Variants in PARD3 observed in about 807,000 individuals in gnomAD.
The protein encoded by PARD3 is partitioning defective 3 homolog.
PARD3 carries 75 observed loss-of-function variants against 155.4 expected under a neutral mutation model. The observed-to-expected ratio is 0.48, with a 90% CI of 0.40 to 0.58. PARD3 has a LOEUF of 0.58. PARD3 is among the 20% of genes least tolerant of loss of function. The pLI, the probability that PARD3 is intolerant of heterozygous loss-of-function variation, is 0.00. For missense variants in PARD3, 1,642 were observed against 1,721.7 expected (o/e 0.95, Z 0.82); for synonymous variants, 576 against 610.5 (o/e 0.94, Z 0.83).
intron 5 of PARD3, among the ~76,000 whole-genome samples, chr10:34,449,736 G>A (rs1268364424): frequency 6.6e-6 from 1 of 152,144 alleles, no homozygotes; most frequent in Non-Finnish European, 1.5e-5. Flanking sequence ...ATTTCTGAGT[G>A]GTAAACAATT....
intron 22 of PARD3, among the ~76,000 whole-genome samples, chr10:34,247,432 G>A (rs1954026821): frequency 1.3e-5 from 2 of 152,136 alleles, no homozygotes; most frequent in South Asian, 2.1e-4. Context: ...AACCTGGGAG[G>A]CGGAGGTTGC....
intron 22 of PARD3, among the ~76,000 whole-genome samples, chr10:34,176,279 G>C (rs614302): frequency 0.23 from 35,570 of 151,956 alleles, 4,297 homozygotes; most frequent in Middle Eastern, 0.35. Context: ...TAAAATGGCA[G>C]TCACTGACTT....
chr10:34,477,750 A>T (rs1479551085), intron 3 of PARD3, among the ~76,000 whole-genome samples: 1 of 152,254 alleles, frequency 6.6e-6, no homozygotes. Flanking sequence ...TCTGCCAAGA[A>T]GACAGGCATA....
chr10:34,755,986 T>C (rs1280513678), intron 1 of PARD3, among the ~76,000 whole-genome samples: 1 of 151,878 alleles, frequency 6.6e-6, no homozygotes, highest in Non-Finnish European at 1.5e-5. Flanking sequence ...ATGCCCATGG[T>C]CCTTTACTCT....
intron 2 of PARD3, among the ~76,000 whole-genome samples, chr10:34,683,573 C>T (rs369312580): frequency 3.3e-5 from 5 of 150,588 alleles, no homozygotes; most frequent in African/African-American, 9.8e-5. Context: ...CAGAAAAGCA[C>T]AGCGCGGCAC....
At chr10:34,192,208 C>G (rs1423218493) in intron 22 of PARD3, among the ~76,000 whole-genome samples, 2 of 151,752 alleles carry the variant, frequency 1.3e-5, no homozygotes, top group African/African-American at 2.4e-5. Context: ...GTTGGGACTA[C>G]AGGCATATGT....
At chr10:34,345,008 A>G in intron 15 of PARD3, 1 of 985,286 alleles carries the variant, frequency 1.0e-6, no homozygotes, top group Non-Finnish European at 1.2e-6. Context: ...TTTAGTCACC[A>G]TGGGTGCCAG....
At chr10:34,215,401 T>C (rs1450750643) in intron 22 of PARD3, among the ~76,000 whole-genome samples, 2 of 152,206 alleles carry the variant, frequency 1.3e-5, no homozygotes, top group Admixed American at 1.3e-4. Flanking sequence ...GAAAAATACA[T>C]AAAATGTCAT....
At chr10:34,280,978 C>T (rs184929385) in intron 21 of PARD3, among the ~76,000 whole-genome samples, 1 of 152,264 alleles carries the variant, frequency 6.6e-6, no homozygotes, top group East Asian at 1.9e-4. Context: ...TGCTGCTGAA[C>T]ACTGGGCAAT....
intron 4 of PARD3, among the ~76,000 whole-genome samples, chr10:34,463,031 G>C (rs1589666245): frequency 1.1e-5 from 1 of 89,342 alleles, no homozygotes; most frequent in African/African-American, 4.6e-5. Context: ...AAGGGAACGA[G>C]GAGGGGAAGG....
At chr10:34,775,034 CAAAT>C (rs1839365538) in intron 1 of PARD3, among the ~76,000 whole-genome samples, 1 of 152,090 alleles carries the variant, frequency 6.6e-6, no homozygotes, top group Non-Finnish European at 1.5e-5. Context: ...AAGTGCCAAA[CAAAT>C]AAAGGAAACA....
At chr10:34,196,056 C>G (rs1385955186) in intron 22 of PARD3, among the ~76,000 whole-genome samples, 1 of 152,188 alleles carries the variant, frequency 6.6e-6, no homozygotes, top group Non-Finnish European at 1.5e-5. Flanking sequence ...ACTTACTTCA[C>G]CCTTTCTTAG....
chr10:34,287,356 T>C (rs1956450660), intron 20 of PARD3, among the ~76,000 whole-genome samples: 1 of 152,220 alleles, frequency 6.6e-6, no homozygotes, highest in South Asian at 2.1e-4. Flanking sequence ...GTTGACTTAC[T>C]GATTTTTAAG....
intron 2 of PARD3, among the ~76,000 whole-genome samples, chr10:34,634,724 C>A (rs2092404511): frequency 6.6e-6 from 1 of 152,144 alleles, no homozygotes; most frequent in African/African-American, 2.4e-5. Context: ...TTGCTGAGAC[C>A]CTAAACTTGG....
chr10:34,814,844 C>T, intron 1 of PARD3, 32 bp downstream of exon 1: 1 of 1,297,912 alleles, frequency 7.7e-7, no homozygotes. Flanking sequence ...CCCGCCGCCG[C>T]CCCCTCCCCG....
At position 34,348,088 on chromosome 10, in the gene PARD3, G is replaced by A. The variant is rs1188821900; in HGVS notation, c.2095C>T (p.Pro699Ser). The A allele has an allele frequency of 3.1e-6, 5 of 1,610,650 alleles. No individual in the cohort carries two copies. Among genetic ancestry groups the A allele is most frequent in the Non-Finnish European group, 4.2e-6 (5 of 1,178,576 alleles). The change falls in exon 15 of 25, where the codon CCT becomes TCT. Residue 699 changes from proline to serine, a missense_variant. By Grantham distance (74) the Pro-to-Ser change is moderately conservative. Around this residue, in one of 3 missense-constraint regions of PARD3, gnomAD observed 1,529 missense variants for 1,587.3 expected, o/e 0.96. Transcript: ENST00000374788. ...AACGCTGTTTCAATGGGCAGCTCAGGTCCAGGGGGGCTCCCAGGTGACTTC... is the reference window on the plus strand; with the variant it reads ...AACGCTGTTTCAATGGGCAGCTCAGATCCAGGGGGGCTCCCAGGTGACTTC... ...ELKSPGSPPG[P>S]ELPIETALDD...
intron 1 of PARD3, among the ~76,000 whole-genome samples, chr10:34,791,732 C>T (rs775030269): frequency 3.3e-5 from 5 of 151,896 alleles, no homozygotes; most frequent in South Asian, 2.1e-4. Flanking sequence ...CCTAGCACTT[C>T]GAGTGGCAGA....
At chr10:34,432,614 T>C (rs2076004438) in intron 5 of PARD3, among the ~76,000 whole-genome samples, 1 of 152,140 alleles carries the variant, frequency 6.6e-6, no homozygotes, top group Admixed American at 6.5e-5. Flanking sequence ...ATGGCCCAGA[T>C]CCATGGACAA....
At position 34,674,692 on chromosome 10, in the gene PARD3, G is replaced by A. The variant is rs370315786; in HGVS notation, c.222+21626C>T. Among the ~76,000 whole-genome samples, 122 of 152,008 alleles carry A rather than the reference G, an allele frequency of 8.0e-4. 1 individual carries two copies. Among genetic ancestry groups the A allele is most frequent in the African/African-American group, 2.9e-3 (121 of 41,488 alleles). On this transcript the variant is annotated intron_variant, in intron 2 of 24. Coordinates refer to ENST00000374788, the MANE Select transcript of PARD3 (RefSeq NM_001184785.2). ...AGTAGAGACAGGGTTTCACCACGTT[G>A]GCCAGGCTGGTCTCGAACTCCTGAC...
Sources: gnomAD v4.1 joint callset for allele counts (sites outside exome capture counted in the v4.1 genomes callset) on GRCh38, gnomAD v4.1.1 for gene constraint, gnomAD v4.1.1 regional missense constraint, MANE v1.5 for transcripts, NCBI Gene and HGNC (gene_info 2026-07-23, HGNC 2026-07-21) for gene names.